SLC7A13: variants seen among roughly 807,000 people sequenced by gnomAD.
SLC7A13 encodes X-amino acid transporter 2.
SLC7A13 carries 31 observed loss-of-function variants against 32.0 expected under a neutral mutation model. The ratio of observed to expected loss-of-function variants is 0.97; its 90% CI spans 0.73 to 1.31. The LOEUF (loss-of-function observed/expected upper bound fraction) is 1.31, where lower values mean the gene tolerates loss of function less well. Ranked by LOEUF, SLC7A13 falls within the 50% of genes most tolerant of loss-of-function variation. The pLI is 0.00. For synonymous variants in SLC7A13, 232 were observed against 206.9 expected (o/e 1.12, Z -1.04); for missense variants, 633 against 546.9 (o/e 1.16, Z -1.57).
intron 2 of SLC7A13, among the ~76,000 whole-genome samples, chr8:86,219,062 A>G (rs1586144488): frequency 6.6e-6 from 1 of 152,138 alleles, no homozygotes; most frequent in African/African-American, 2.4e-5. Flanking sequence ...AAATAGCCTC[A>G]ACTGCCATTT....
Position 86,224,853 on chromosome 8 carries a change from G to GT in SLC7A13, c.686-1751dup, listed in dbSNP as rs539461427. Among the ~76,000 whole-genome samples, 580 of 150,906 alleles carry GT rather than the reference G, an allele frequency of 3.8e-3. 4 individuals carry two copies. The highest frequency in any genetic ancestry group is 0.012 in the African/African-American group (488 of 41,192). On this transcript the variant is annotated intron_variant, in intron 1 of 3. Transcript: ENST00000297524. ...AAAAGAAAGGAAGATGAGAAAATTT[G>GT]TTTTTTTTTAATTTCTAGAACTTCC...
At position 86,230,299 on chromosome 8, in the gene SLC7A13, T is replaced by A; in HGVS notation, c.-22A>T. 6.6e-7 allele frequency: 1 copy of A among 1,511,344 alleles called. No individual in the cohort carries two copies. The highest frequency in any genetic ancestry group is 8.8e-7 in the Non-Finnish European group (1 of 1,131,272). The allele number at this position is 1,511,344 out of a possible 1,614,324, so 93.6% of individuals were successfully genotyped here. A position where few individuals can be genotyped will look rare whatever the true frequency, so the allele number is the denominator to read the frequency against. Reference sequence around the variant, plus strand: ...CCATTGTAATTGAAGAGTTTTAAAATTCTATATAAATTACAATTTCTAGAT... The same window carrying A: ...CCATTGTAATTGAAGAGTTTTAAAAATCTATATAAATTACAATTTCTAGAT... On this transcript the variant is annotated 5_prime_UTR_variant, in exon 1 of 4. Coordinates refer to ENST00000297524, the MANE Select transcript of SLC7A13 (RefSeq NM_138817.3).
intron 2 of SLC7A13, among the ~76,000 whole-genome samples, chr8:86,218,726 C>T (rs1417937262): frequency 6.7e-6 from 1 of 150,120 alleles, no homozygotes; most frequent in Non-Finnish European, 1.5e-5. Context: ...AGGAACAAAA[C>T]ACAACTGTGA....
At chr8:86,227,429 A>C (rs1042259923) in intron 1 of SLC7A13, among the ~76,000 whole-genome samples, 1 of 152,212 alleles carries the variant, frequency 6.6e-6, no homozygotes, top group Non-Finnish European at 1.5e-5. Context: ...CAACTTTGAA[A>C]ATGAAAAGAT....
At chr8:86,221,642 A>G (rs1352913399) in intron 2 of SLC7A13, among the ~76,000 whole-genome samples, 1 of 151,350 alleles carries the variant, frequency 6.6e-6, no homozygotes, top group African/African-American at 2.4e-5. Flanking sequence ...CAGTCCCCAG[A>G]ATTTAAACAA....
intron 2 of SLC7A13, 105 bp downstream of exon 2, chr8:86,222,867 A>G (rs1820322715): frequency 8.7e-7 from 1 of 1,143,158 alleles, no homozygotes; most frequent in African/African-American, 1.6e-5. Context: ...AGTTGATTCC[A>G]TATATAGAAT....
chr8:86,228,429 C>T (rs1360803045), intron 1 of SLC7A13, among the ~76,000 whole-genome samples: 1 of 152,152 alleles, frequency 6.6e-6, no homozygotes, highest in Admixed American at 6.5e-5. Context: ...AACTGGAGTG[C>T]AGTGGTGCAA....
intron 1 of SLC7A13, among the ~76,000 whole-genome samples, chr8:86,224,855 T>G (rs1029397331): frequency 1.3e-5 from 2 of 152,016 alleles, no homozygotes; most frequent in African/African-American, 4.8e-5. Context: ...GAAAATTTGT[T>G]TTTTTTTAAT....
intron 2 of SLC7A13, among the ~76,000 whole-genome samples, chr8:86,222,051 G>A (rs1213340964): frequency 6.6e-6 from 1 of 152,108 alleles, no homozygotes; most frequent in African/African-American, 2.4e-5. Flanking sequence ...AGGTCCCTAA[G>A]ATAGCTAGAC....
At chr8:86,225,661 T>A (rs1489880343) in intron 1 of SLC7A13, among the ~76,000 whole-genome samples, 1 of 152,068 alleles carries the variant, frequency 6.6e-6, no homozygotes, top group Non-Finnish European at 1.5e-5. Flanking sequence ...GTGATTCACG[T>A]CTGTAAACCC....
chr8:86,227,700 G>A (rs1820411492), intron 1 of SLC7A13, among the ~76,000 whole-genome samples: 1 of 152,160 alleles, frequency 6.6e-6, no homozygotes. Context: ...GTCCATCAAT[G>A]CATGACTGGA....
chr8:86,226,236 T>C (rs1169690000), intron 1 of SLC7A13, among the ~76,000 whole-genome samples: 1 of 152,190 alleles, frequency 6.6e-6, no homozygotes, highest in Non-Finnish European at 1.5e-5. Context: ...TCCAGAAATA[T>C]TGCTTCTAGC....
intron 1 of SLC7A13, 46 bp downstream of exon 1, chr8:86,229,547 T>G (rs1190947506): frequency 1.4e-6 from 2 of 1,445,382 alleles, no homozygotes; most frequent in Non-Finnish European, 1.9e-6. Context: ...TCATATTGTA[T>G]GCAATAAGTC....
Position 86,223,015 on chromosome 8 carries a change from A to AATG in SLC7A13, c.771_773dup (p.Ile258dup), listed in dbSNP as rs1563590340. 6.2e-7 allele frequency: 1 copy of AATG among 1,609,318 alleles called. No individual in the cohort carries two copies. Among genetic ancestry groups the AATG allele is most frequent in the African/African-American group, 1.3e-5 (1 of 74,722 alleles). On this transcript the variant is annotated inframe_insertion, in exon 2 of 4. Transcript: ENST00000297524. ...TGGGTGTCAGAACAGTCAGATAGGAAATGTTAACCAGTAAATAAACTACAG... is the reference window on the plus strand; with the variant it reads ...TGGGTGTCAGAACAGTCAGATAGGAAATGATGTTAACCAGTAAATAAACTACAG...
At chr8:86,215,166 T>C (rs982888105) in intron 3 of SLC7A13, among the ~76,000 whole-genome samples, 1 of 152,212 alleles carries the variant, frequency 6.6e-6, no homozygotes, top group Non-Finnish European at 1.5e-5. Flanking sequence ...CCCTGTTTTA[T>C]GTTTTGTTTT....
intron 2 of SLC7A13, among the ~76,000 whole-genome samples, chr8:86,220,233 A>C (rs1333691247): frequency 2.0e-5 from 3 of 152,052 alleles, no homozygotes; most frequent in Non-Finnish European, 4.4e-5. Flanking sequence ...ATGGCATGGA[A>C]CTCTCAAGAA....
chr8:86,229,820 A>ACAC lies in SLC7A13; in HGVS notation c.455_457dup (p.Gly152dup). 1 of 1,614,200 alleles carries ACAC rather than the reference A, an allele frequency of 6.2e-7. No homozygotes were observed. Among genetic ancestry groups the ACAC allele is most frequent in the Non-Finnish European group, 8.5e-7 (1 of 1,180,038 alleles). ...TATCTGAAGCCAAGTCACTTCTTTC[A>ACAC]CACCACGAGAAGTCAGAATTCCTAC... is the stretch of plus-strand genomic sequence containing the variant. On this transcript the variant is annotated inframe_insertion, in exon 1 of 4. Transcript: ENST00000297524.
chr8:86,223,012 G>A lies in SLC7A13; in HGVS notation c.777C>T (p.Ser259=). 1 of 1,608,868 alleles carries A rather than the reference G, an allele frequency of 6.2e-7. No individual in the cohort carries two copies. Among genetic ancestry groups the A allele is most frequent in the South Asian group, 1.1e-5 (1 of 90,006 alleles). The change falls in exon 2 of 4, where the codon TCC becomes TCT. Residue 259 remains serine, a synonymous_variant. Coordinates refer to ENST00000297524, the MANE Select transcript of SLC7A13 (RefSeq NM_138817.3). ...CCCTGGGTGTCAGAACAGTCAGATA[G>A]GAAATGTTAACCAGTAAATAAACTA... ...VTVVYLLVNI[S]YLTVLTPREI...
intron 1 of SLC7A13, among the ~76,000 whole-genome samples, chr8:86,229,035 T>G (rs183971083): frequency 6.3e-4 from 96 of 152,268 alleles, no homozygotes; most frequent in African/African-American, 2.1e-3. Context: ...GCTTTTATAA[T>G]GCACAGATGA....
Sources: gnomAD v4.1 joint callset for allele counts (sites outside exome capture counted in the v4.1 genomes callset) on GRCh38, gnomAD v4.1.1 for gene constraint, MANE v1.5 for transcripts, NCBI Gene and HGNC (gene_info 2026-07-23, HGNC 2026-07-21) for gene names.